The following MAPK8 variants were observed in gnomAD, a reference collection of about 807,000 sequenced individuals.
MAPK8 encodes the protein mitogen-activated protein kinase 8, also known as JUN N-terminal kinase.
In MAPK8, 13 loss-of-function variants were observed where a neutral mutation model predicts 52.9. The ratio of observed to expected loss-of-function variants is 0.25; its 90% CI spans 0.16 to 0.39. MAPK8 has a LOEUF of 0.39. Among genes scored for constraint, MAPK8 ranks in the 10% least tolerant of loss-of-function variants. The pLI is 1.00. For missense variants in MAPK8, 300 were observed against 519.2 expected (o/e 0.58, Z 4.10); for synonymous variants, 191 against 169.8 (o/e 1.12, Z -0.97).
At chr10:48,409,328 A>G (rs2042627319) in intron 3 of MAPK8, among the ~76,000 whole-genome samples, 1 of 152,198 alleles carries the variant, frequency 6.6e-6, no homozygotes, top group South Asian at 2.1e-4. Context: ...CACACTGGAA[A>G]AGTAAGGGGT....
At chr10:48,375,096 A>G (rs932778044) in intron 1 of MAPK8, among the ~76,000 whole-genome samples, 2 of 152,238 alleles carry the variant, frequency 1.3e-5, no homozygotes, top group African/African-American at 2.4e-5. Flanking sequence ...ATGCAAATCA[A>G]TAAACATAAT....
intron 5 of MAPK8, among the ~76,000 whole-genome samples, chr10:48,418,565 T>C (rs2043186553): frequency 6.6e-6 from 1 of 152,116 alleles, no homozygotes; most frequent in South Asian, 2.1e-4. Flanking sequence ...TCTTCTTTAC[T>C]TCCACTCACA....
intron 7 of MAPK8, among the ~76,000 whole-genome samples, chr10:48,424,922 G>A (rs1350700079): frequency 1.3e-5 from 2 of 151,954 alleles, no homozygotes; most frequent in Non-Finnish European, 2.9e-5. Flanking sequence ...GGAGCTGTCT[G>A]TTGCTTCTGG....
chr10:48,309,209 T>C (rs1304785989), intron 1 of MAPK8, among the ~76,000 whole-genome samples: 1 of 152,226 alleles, frequency 6.6e-6, no homozygotes, highest in Non-Finnish European at 1.5e-5. Context: ...TGACATAAAA[T>C]TCACCAGTTA....
At chr10:48,403,841 C>T (rs1404331329) in intron 2 of MAPK8, among the ~76,000 whole-genome samples, 7 of 151,676 alleles carry the variant, frequency 4.6e-5, no homozygotes, top group South Asian at 2.1e-4. Flanking sequence ...CTCCGCCTCC[C>T]GGGTTCACGC....
intron 1 of MAPK8, among the ~76,000 whole-genome samples, chr10:48,319,279 T>C (rs985757382): frequency 4.6e-5 from 7 of 152,234 alleles, no homozygotes; most frequent in Admixed American, 1.3e-4. Context: ...GTTATCTATT[T>C]GAAATATACA....
intron 1 of MAPK8, among the ~76,000 whole-genome samples, chr10:48,381,192 T>G (rs2590387): frequency 0.037 from 5,562 of 152,302 alleles, 288 homozygotes; most frequent in African/African-American, 0.11. Context: ...ATCCATCTGA[T>G]CCCAGTCAGC....
At chr10:48,391,584 AT>A (rs1457845920) in intron 1 of MAPK8, among the ~76,000 whole-genome samples, 3 of 152,206 alleles carry the variant, frequency 2.0e-5, no homozygotes, top group African/African-American at 7.2e-5. Context: ...CAGAAGACTT[AT>A]GTGATCAAAT....
intron 1 of MAPK8, among the ~76,000 whole-genome samples, chr10:48,325,324 G>T (rs766042121): frequency 6.6e-6 from 1 of 152,122 alleles, no homozygotes; most frequent in Non-Finnish European, 1.5e-5. Flanking sequence ...TTGAACTACA[G>T]TTCTTCCTAA....
intron 1 of MAPK8, among the ~76,000 whole-genome samples, chr10:48,382,936 A>ATG (rs1195343952): frequency 2.8e-4 from 12 of 42,972 alleles, no homozygotes; most frequent in South Asian, 1.0e-3. Context: ...ATATATAGCT[A>ATG]TGTGTATATA....
intron 1 of MAPK8, among the ~76,000 whole-genome samples, chr10:48,312,362 C>T (rs1842060592): frequency 6.6e-6 from 1 of 152,204 alleles, no homozygotes; most frequent in Non-Finnish European, 1.5e-5. Context: ...TATTGAAGCT[C>T]TTATGATGTA....
At chr10:48,434,786 A>G (rs992102242) in intron 11 of MAPK8, 98 bp from the exon 12 acceptor site, 2 of 1,106,592 alleles carry the variant, frequency 1.8e-6, no homozygotes, top group South Asian at 4.2e-5. Context: ...TCGAAACCCA[A>G]GAGAAAAAAA....
At chr10:48,425,100 C>A in intron 7 of MAPK8, 2 of 689,062 alleles carry the variant, frequency 2.9e-6, no homozygotes, top group South Asian at 3.2e-5. Flanking sequence ...ACTTTTTGTT[C>A]ATCCCACTAC....
At chr10:48,313,163 T>G (rs1267248594) in intron 1 of MAPK8, among the ~76,000 whole-genome samples, 1 of 152,212 alleles carries the variant, frequency 6.6e-6, no homozygotes, top group Non-Finnish European at 1.5e-5. Flanking sequence ...CCAGGCGCGG[T>G]GGCTCACGCC....
At chr10:48,355,987 T>C (rs75789328) in intron 1 of MAPK8, among the ~76,000 whole-genome samples, 11 of 152,144 alleles carry the variant, frequency 7.2e-5, no homozygotes, top group Admixed American at 6.5e-5. Flanking sequence ...CCAGGGAAAT[T>C]CATACGTTTC....
In MAPK8 at chr10:48,382,942, A is replaced by G. The variant is rs948024469; in HGVS notation, c.-49-18670A>G. Among the ~76,000 whole-genome samples the G allele has an allele frequency of 2.7e-5, 4 of 146,688 alleles. No individual in the cohort carries two copies. In the Admixed American group the frequency reaches 2.7e-4, roughly 10 times the overall value. On this transcript the variant is annotated intron_variant, in intron 1 of 11. Coordinates refer to ENST00000374189, the MANE Select transcript of MAPK8 (RefSeq NM_001323329.2). ...TATGTATATATATATAGCTATGTGT[A>G]TATATATATGTATATATATATAGAT...
chr10:48,389,591 G>T (rs181080008), intron 1 of MAPK8, among the ~76,000 whole-genome samples: 45 of 152,278 alleles, frequency 3.0e-4, no homozygotes, highest in Admixed American at 1.4e-3. Context: ...ACTACTCCTT[G>T]AGAGGAGAAA....
At chr10:48,323,096 C>G (rs1050359008) in intron 1 of MAPK8, among the ~76,000 whole-genome samples, 1 of 151,784 alleles carries the variant, frequency 6.6e-6, no homozygotes, top group Non-Finnish European at 1.5e-5. Context: ...CCAGTTTCTA[C>G]AGATTATAGA....
At chr10:48,398,658 G>T (rs1795251697) in intron 1 of MAPK8, among the ~76,000 whole-genome samples, 1 of 152,206 alleles carries the variant, frequency 6.6e-6, no homozygotes, top group Non-Finnish European at 1.5e-5. Context: ...GTAAACAGTT[G>T]AAATGTCCAA....
Sources: allele counts gnomAD v4.1 joint callset (sites outside exome capture counted in the v4.1 genomes callset), GRCh38; gene constraint gnomAD v4.1.1; transcripts MANE v1.5; gene names NCBI Gene and HGNC (gene_info 2026-07-23, HGNC 2026-07-21).